The following MTUS2 variants were observed in gnomAD, a reference collection of about 807,000 sequenced individuals.
MTUS2 encodes the protein microtubule associated scaffold protein 2.
In MTUS2, 40 loss-of-function variants were observed where a neutral mutation model predicts 114.1. The ratio of observed to expected loss-of-function variants is 0.35; its 90% confidence interval spans 0.27 to 0.46. The LOEUF is 0.46. MTUS2 is among the 20% of genes least tolerant of loss of function. The pLI is 1.00. For synonymous variants in MTUS2, 688 were observed against 672.0 expected (o/e 1.02, Z -0.37); for missense variants, 1,679 against 1,705.4 (o/e 0.98, Z 0.27).
At chr13:29,415,915 GATTTT>G (rs904276515) in intron 8 of MTUS2, among the ~76,000 whole-genome samples, 3 of 151,510 alleles carry the variant, frequency 2.0e-5, no homozygotes, top group Non-Finnish European at 2.9e-5. Flanking sequence ...TAGCTTGCCA[GATTTT>G]ATTTTATTTT....
At chr13:29,450,087 C>T (rs1171138300) in intron 9 of MTUS2, among the ~76,000 whole-genome samples, 1 of 152,172 alleles carries the variant, frequency 6.6e-6, no homozygotes, top group Non-Finnish European at 1.5e-5. Context: ...ATCTATATTC[C>T]AGGTGGCAGG....
rs1883187543 is a variant in MTUS2, at chr13:29,505,633, T to G, written c.*2427T>G. 1 of 231,380 alleles carries G rather than the reference T, an allele frequency of 4.3e-6. No homozygotes were observed. The highest frequency in any genetic ancestry group is 2.2e-5 in the African/African-American group (1 of 45,226). 14.3% of individuals were successfully genotyped at this position (231,380 alleles called of 1,614,324 possible). On this transcript the variant is annotated 3_prime_UTR_variant, in exon 16 of 16. Coordinates refer to ENST00000612955, the MANE Select transcript of MTUS2 (RefSeq NM_001033602.4). ...CACGTGGCGTCTGCCTCTGTCCCCT[T>G]CCAGGCTGGAGCGACGTTTCCACGT...
intron 4 of MTUS2, among the ~76,000 whole-genome samples, chr13:29,091,593 G>T (rs969401596): frequency 1.3e-5 from 2 of 152,068 alleles, no homozygotes; most frequent in Non-Finnish European, 2.9e-5. Flanking sequence ...GTGCTCTATA[G>T]ATCTGGAGCC....
At chr13:29,141,193 G>A (rs1481813372) in intron 5 of MTUS2, among the ~76,000 whole-genome samples, 22 of 152,194 alleles carry the variant, frequency 1.4e-4, no homozygotes, top group Admixed American at 1.4e-3. Context: ...CTGGAATACA[G>A]CAGTGAGAAC....
intron 5 of MTUS2, among the ~76,000 whole-genome samples, chr13:29,158,358 C>CCCCCCCTTCT: frequency 9.4e-5 from 3 of 32,048 alleles, no homozygotes; most frequent in African/African-American, 4.1e-4. Context: ...GTCCACCCCG[C>CCCCCCCTTCT]TTTTTTTTTT....
chr13:29,493,217 C>T (rs972148398), intron 12 of MTUS2, among the ~76,000 whole-genome samples: 2 of 152,178 alleles, frequency 1.3e-5, no homozygotes, highest in South Asian at 2.1e-4. Context: ...CTTTAGGAAA[C>T]GCTGGTCTCA....
intron 4 of MTUS2, among the ~76,000 whole-genome samples, chr13:29,043,965 GTTATTGA>G (rs539562491): frequency 1.1e-3 from 167 of 152,100 alleles, no homozygotes; most frequent in African/African-American, 3.6e-3. Context: ...ATACTACATT[GTTATTGA>G]TTGTCAACAC....
chr13:29,433,986 G>A (rs1425824508), intron 8 of MTUS2, among the ~76,000 whole-genome samples: 1 of 152,072 alleles, frequency 6.6e-6, no homozygotes, highest in Non-Finnish European at 1.5e-5. Context: ...TTTAGCTTGG[G>A]AAAAAATGGC....
At chr13:29,203,362 C>T (rs944076153) in intron 5 of MTUS2, among the ~76,000 whole-genome samples, 2 of 152,152 alleles carry the variant, frequency 1.3e-5, no homozygotes, top group Non-Finnish European at 2.9e-5. Flanking sequence ...ACCCCTTTCT[C>T]CACCAAGCTC....
chr13:29,226,873 A>G (rs1896126288), intron 5 of MTUS2, among the ~76,000 whole-genome samples: 1 of 152,218 alleles, frequency 6.6e-6, no homozygotes, highest in East Asian at 1.9e-4. Context: ...GTTTGATCTC[A>G]GAATCCTTTC....
At position 29,480,400 on chromosome 13, in the gene MTUS2, G is replaced by T. The variant is rs532014490; in HGVS notation, c.3399+36G>T. ...AGTGCGGCTCGAGCTCTGCTGTTGG[G>T]TGATGCAGGTGGCGGGCGGCGGGGA... On this transcript the variant is annotated intron_variant, in intron 10 of 15. Transcript: ENST00000612955. This position sits in a 1 kb window ranked among gnomAD's most constrained non-coding sequence, Gnocchi z 4.4. 2.7e-6 allele frequency: 4 copies of T among 1,471,072 alleles called. No homozygotes were observed. The African/African-American group carries it at 4.3e-5, about 16-fold the overall frequency. The allele number at this position is 1,471,072 out of a possible 1,614,324, so 91.1% of individuals were successfully genotyped here.
rs1368241610 is a variant in MTUS2 at position 29,504,400 on chromosome 13, A to G, written c.*1194A>G. The G allele has an allele frequency of 4.3e-6, 1 of 232,370 alleles. No homozygotes were observed. Among genetic ancestry groups the G allele is most frequent in the Non-Finnish European group, 8.5e-6 (1 of 117,466 alleles). The allele number at this position is 232,370 out of a possible 1,614,324, so 14.4% of individuals were successfully genotyped here. Reference sequence around the variant, plus strand: ...TTCTAGCAGGGGCTTCCAGAAAAAAAAAACACCATTTCTGTCCCGGGGGAC... The same window carrying G: ...TTCTAGCAGGGGCTTCCAGAAAAAAGAAACACCATTTCTGTCCCGGGGGAC... On this transcript the variant is annotated 3_prime_UTR_variant, in exon 16 of 16. Coordinates refer to ENST00000612955, the MANE Select transcript of MTUS2 (RefSeq NM_001033602.4).
At chr13:29,298,728 T>TA (rs1221876993) in intron 6 of MTUS2, among the ~76,000 whole-genome samples, 1 of 152,232 alleles carries the variant, frequency 6.6e-6, no homozygotes, top group African/African-American at 2.4e-5. Flanking sequence ...AGCTTATTCT[T>TA]ACTGTAGCAT....
At chr13:28,901,224 T>A (rs1008664336) in intron 2 of MTUS2, among the ~76,000 whole-genome samples, 1 of 152,210 alleles carries the variant, frequency 6.6e-6, no homozygotes, top group Non-Finnish European at 1.5e-5. Context: ...ATTTTTTAAG[T>A]CTTGACTTTT....
chr13:29,348,445 T>A (rs1868930640), intron 7 of MTUS2, among the ~76,000 whole-genome samples: 1 of 152,146 alleles, frequency 6.6e-6, no homozygotes, highest in Non-Finnish European at 1.5e-5. Context: ...ACTTGAATCC[T>A]TTTAAATTTA....
intron 8 of MTUS2, among the ~76,000 whole-genome samples, chr13:29,371,298 A>G (rs932824390): frequency 3.3e-5 from 5 of 149,420 alleles, no homozygotes; most frequent in African/African-American, 1.2e-4. Flanking sequence ...GCTTACTGCA[A>G]CCTCTGCTTC....
chr13:29,174,731 G>A (rs545173484), intron 5 of MTUS2, among the ~76,000 whole-genome samples: 4 of 152,230 alleles, frequency 2.6e-5, no homozygotes, highest in Admixed American at 6.5e-5. Flanking sequence ...TCCCCTCTGC[G>A]TAGTATTATA....
intron 8 of MTUS2, among the ~76,000 whole-genome samples, chr13:29,414,228 T>G (rs1461757912): frequency 1.6e-5 from 1 of 61,742 alleles, no homozygotes; most frequent in Non-Finnish European, 3.2e-5. Flanking sequence ...CACCGCATAT[T>G]CTCACTCATA....
At chr13:28,942,724 C>CACAAAAG (rs1882313345) in intron 2 of MTUS2, among the ~76,000 whole-genome samples, 1 of 152,104 alleles carries the variant, frequency 6.6e-6, no homozygotes, top group African/African-American at 2.4e-5. Flanking sequence ...TATATGATTT[C>CACAAAAG]AGTTTTTATC....
Sources: allele counts gnomAD v4.1 joint callset (sites outside exome capture counted in the v4.1 genomes callset), GRCh38; gene constraint gnomAD v4.1.1; non-coding constraint Gnocchi (gnomAD v3.1); transcripts MANE v1.5; gene names NCBI Gene and HGNC (gene_info 2026-07-23, HGNC 2026-07-21).